NFXL1: variants seen among roughly 807,000 people sequenced by gnomAD.
NFXL1 encodes the protein nuclear transcription factor, X-box binding like 1.
A neutral mutation model predicts 123.3 loss-of-function variants in NFXL1; 66 were observed. That is an observed-to-expected ratio of 0.54 (90% CI 0.44 to 0.66). NFXL1 has a LOEUF of 0.66. NFXL1 is among the 30% of genes least tolerant of loss of function. NFXL1 has a pLI of 0.00. For synonymous variants in NFXL1, 346 were observed against 360.8 expected, an observed-to-expected ratio of 0.96 and a Z score of 0.46; for missense variants, 944 against 1,125.6, an observed-to-expected ratio of 0.84 and a Z score of 2.31.
intron 19 of NFXL1, among the ~76,000 whole-genome samples, chr4:47,858,073 G>C (rs868562457): frequency 1.3e-4 from 20 of 152,122 alleles, no homozygotes; most frequent in Admixed American, 7.9e-4. Context: ...TGTACACTGT[G>C]CTGGTATCCA....
chr4:47,891,017 G>T (rs1415630638), intron 11 of NFXL1, among the ~76,000 whole-genome samples: 1 of 151,606 alleles, frequency 6.6e-6, no homozygotes, highest in Non-Finnish European at 1.5e-5. Flanking sequence ...TGTCAATTCA[G>T]GAAAACAATT....
At chr4:47,866,400 G>A (rs373444238) in intron 18 of NFXL1, among the ~76,000 whole-genome samples, 78 of 152,244 alleles carry the variant, frequency 5.1e-4, no homozygotes, top group African/African-American at 1.8e-3. Context: ...CAAGAGAGTG[G>A]TCATCAACTA....
chr4:47,913,878 T>G (rs1328376304), intron 2 of NFXL1, 91 bp downstream of exon 2: 3 of 823,032 alleles, frequency 3.6e-6, no homozygotes, highest in Non-Finnish European at 3.6e-6. Flanking sequence ...GGAAAAGCAG[T>G]GAAAGAAAGA....
In NFXL1 at chr4:47,869,013, GT is replaced by G. The variant is rs1735272228; in HGVS notation, c.2247-6099del. 2.6e-5 allele frequency among the ~76,000 whole-genome samples: 4 copies of G among 152,268 alleles called. No individual in the cohort carries two copies. The South Asian group carries it at 8.3e-4, about 31-fold the overall frequency. Reference sequence around the variant, plus strand: ...AGGCAGGAGGGTCTCTTGAGCCCAGGTGTTTTGAGACCAACCTGGGCAATAC... The same window carrying G: ...AGGCAGGAGGGTCTCTTGAGCCCAGGGTTTTGAGACCAACCTGGGCAATAC... On this transcript the variant is annotated intron_variant, in intron 18 of 22. Transcript: ENST00000507489.
intron 20 of NFXL1, among the ~76,000 whole-genome samples, chr4:47,854,252 C>T (rs1218229413): frequency 6.6e-6 from 1 of 151,256 alleles, no homozygotes; most frequent in African/African-American, 2.4e-5. Context: ...TGAATAAAAG[C>T]GAATTTCAAG....
intron 12 of NFXL1, among the ~76,000 whole-genome samples, chr4:47,889,166 G>A (rs1251520357): frequency 1.3e-5 from 2 of 151,896 alleles, no homozygotes; most frequent in Non-Finnish European, 2.9e-5. Flanking sequence ...TTCCTCCTTT[G>A]GTCTTTTAAT....
intron 10 of NFXL1, 150 bp from the exon 11 acceptor site, chr4:47,894,452 C>T (rs1736959274): frequency 2.1e-6 from 1 of 486,364 alleles, no homozygotes; most frequent in Non-Finnish European, 3.5e-6. Context: ...TTTGAATTTC[C>T]TAAAACATTT....
intron 15 of NFXL1, among the ~76,000 whole-genome samples, 167 bp from the exon 16 acceptor site, chr4:47,879,284 TA>T (rs554844679): frequency 5.3e-4 from 81 of 152,234 alleles, no homozygotes; most frequent in Non-Finnish European, 1.0e-3. Context: ...TGATTTCCTA[TA>T]TAGTAGCAAT....
At chr4:47,880,279 C>T (rs937942414) in intron 15 of NFXL1, among the ~76,000 whole-genome samples, 4 of 151,390 alleles carry the variant, frequency 2.6e-5, no homozygotes, top group Non-Finnish European at 4.4e-5. Context: ...ATAGTGCACG[C>T]CTAGTCCCAG....
At position 47,897,959 on chromosome 4, in the gene NFXL1, A is replaced by G. The variant is rs762282888; in HGVS notation, c.1204+8T>C. ...TCCTATATAAATATAAAAAAAAACA[A>G]GTCTTACTTGATTTCTGACATGGAC... On this transcript the variant is annotated splice_region_variant and intron_variant, in intron 9 of 22. Coordinates refer to ENST00000507489, the MANE Select transcript of NFXL1 (RefSeq NM_001278624.2). 1 of 1,522,394 alleles carries G rather than the reference A, an allele frequency of 6.6e-7. No individual in the cohort carries two copies. The highest frequency in any genetic ancestry group is 1.2e-5 in the South Asian group (1 of 83,252). 94.3% of individuals were successfully genotyped at this position (1,522,394 alleles called of 1,614,324 possible). A position where few individuals can be genotyped will look rare whatever the true frequency, so the allele number is the denominator to read the frequency against.
chr4:47,851,275 A>C, intron 21 of NFXL1, 127 bp from the exon 22 acceptor site: 1 of 672,088 alleles, frequency 1.5e-6, no homozygotes, highest in South Asian at 1.8e-5. Context: ...CATTTAAAGA[A>C]ATGTAAATGC....
At chr4:47,868,278 C>T (rs1735218053) in intron 18 of NFXL1, among the ~76,000 whole-genome samples, 1 of 149,694 alleles carries the variant, frequency 6.7e-6, no homozygotes, top group Non-Finnish European at 1.5e-5. Context: ...GAGATCGCAC[C>T]ATTGCACTCC....
chr4:47,879,623 T>C (rs565295856), intron 15 of NFXL1, among the ~76,000 whole-genome samples: 12 of 152,046 alleles, frequency 7.9e-5, no homozygotes, highest in African/African-American at 2.9e-4. Context: ...GCCAACACAA[T>C]ACAAAAGAAA....
chr4:47,851,464 T>C (rs550136036), intron 21 of NFXL1, among the ~76,000 whole-genome samples: 1 of 152,264 alleles, frequency 6.6e-6, no homozygotes, highest in East Asian at 1.9e-4. Context: ...CCTCTTGAGT[T>C]GCTGTATTAA....
chr4:47,904,550 A>C (rs1737482295), intron 4 of NFXL1, among the ~76,000 whole-genome samples: 1 of 152,180 alleles, frequency 6.6e-6, no homozygotes, highest in East Asian at 1.9e-4. Context: ...ACCCAACCAG[A>C]GCATGTTAAA....
At chr4:47,885,692 T>G (rs1318217415) in intron 13 of NFXL1, 35 bp from the exon 14 acceptor site, 1 of 1,569,194 alleles carries the variant, frequency 6.4e-7, no homozygotes, top group Non-Finnish European at 8.8e-7. Context: ...AAAATTACTT[T>G]TAGTCATTGA....
At chr4:47,904,997 T>G (rs1169791963) in intron 4 of NFXL1, among the ~76,000 whole-genome samples, 1 of 152,158 alleles carries the variant, frequency 6.6e-6, no homozygotes, top group Non-Finnish European at 1.5e-5. Context: ...AAATCAACAT[T>G]TGCATTAAAA....
At chr4:47,874,787 G>C (rs894922402) in intron 18 of NFXL1, among the ~76,000 whole-genome samples, 3 of 152,154 alleles carry the variant, frequency 2.0e-5, no homozygotes, top group African/African-American at 7.2e-5. Flanking sequence ...GTGCCTGTAT[G>C]TACAAGTCAA....
At chr4:47,866,349 C>CA (rs1038138783) in intron 18 of NFXL1, among the ~76,000 whole-genome samples, 1 of 152,184 alleles carries the variant, frequency 6.6e-6, no homozygotes, top group Admixed American at 6.5e-5. Flanking sequence ...GTACCACCCT[C>CA]AAACGCCAAC....
Sources: gnomAD v4.1 joint callset for allele counts (sites outside exome capture counted in the v4.1 genomes callset) on GRCh38, gnomAD v4.1.1 for gene constraint, MANE v1.5 for transcripts, NCBI Gene and HGNC (gene_info 2026-07-23, HGNC 2026-07-21) for gene names.